Variants in SPATA13 observed in about 807,000 individuals in gnomAD.
SPATA13 encodes spermatogenesis associated 13.
SPATA13 carries 50 observed loss-of-function variants against 104.0 expected under a neutral mutation model. That is an observed-to-expected ratio of 0.48 (90% CI 0.38 to 0.61). The LOEUF is 0.61. SPATA13 is among the 20% of genes least tolerant of loss of function. SPATA13 has a pLI of 0.00. For synonymous variants in SPATA13, 606 were observed against 667.5 expected, an observed-to-expected ratio of 0.91 and a Z score of 1.42; for missense variants, 1,524 against 1,690.6, an observed-to-expected ratio of 0.90 and a Z score of 1.73.
Position 24,163,025 on chromosome 13 carries a change from A to C in SPATA13, c.-112+2093A>C, listed in dbSNP as rs147571805. Among the ~76,000 whole-genome samples the C allele has an allele frequency of 2.1e-3, 316 of 152,328 alleles. 2 individuals are homozygous for C. Among genetic ancestry groups the C allele is most frequent in the African/African-American group, 7.1e-3 (295 of 41,558 alleles). ...GCTGTCCCTCAGAAAGCCTGGGGCC[A>C]GTGCCTGGGCTGTCACCTCATCCAT... On this transcript the variant is annotated intron_variant, in intron 1 of 12. Coordinates refer to ENST00000382108, the MANE Select transcript of SPATA13 (RefSeq NM_001166271.3).
At chr13:24,200,776 T>G (rs1457157084) in intron 1 of SPATA13, among the ~76,000 whole-genome samples, 1 of 151,494 alleles carries the variant, frequency 6.6e-6, no homozygotes, top group Non-Finnish European at 1.5e-5. Context: ...GTTGGTCACC[T>G]CCGGGTCATA....
intron 1 of SPATA13, among the ~76,000 whole-genome samples, chr13:24,213,652 A>G (rs958432323): frequency 1.3e-5 from 2 of 152,190 alleles, no homozygotes; most frequent in Admixed American, 1.3e-4. Context: ...TAAGTCAAAG[A>G]TCCAGTTCAT....
intron 1 of SPATA13, among the ~76,000 whole-genome samples, chr13:24,182,060 A>G (rs1171058261): frequency 2.6e-5 from 4 of 152,232 alleles, no homozygotes; most frequent in African/African-American, 9.6e-5. Flanking sequence ...TGTTGGAATT[A>G]TTAAACTACT....
chr13:24,257,549 T>C (rs1873850520), intron 4 of SPATA13, among the ~76,000 whole-genome samples: 1 of 152,100 alleles, frequency 6.6e-6, no homozygotes, highest in Admixed American at 6.5e-5. Context: ...CAAGTTGACT[T>C]GCTTTAAAAA....
intron 3 of SPATA13, among the ~76,000 whole-genome samples, chr13:24,105,517 A>G (rs1448659820): frequency 6.6e-6 from 1 of 151,798 alleles, no homozygotes; most frequent in Non-Finnish European, 1.5e-5. Context: ...ACCAAGCACA[A>G]TGAGAGAGCC....
At chr13:23,990,666 ACTTC>A (rs1183710961) in intron 2 of SPATA13, among the ~76,000 whole-genome samples, 3 of 152,136 alleles carry the variant, frequency 2.0e-5, no homozygotes, top group African/African-American at 7.2e-5. Context: ...ATAATTGTCT[ACTTC>A]CTTGTATAAA....
chr13:24,066,919 C>T (rs1878986435), intron 3 of SPATA13, among the ~76,000 whole-genome samples: 1 of 152,176 alleles, frequency 6.6e-6, no homozygotes. Flanking sequence ...CAAACCAAAC[C>T]AAGCAGAGGC....
chr13:24,285,513 T>TC (rs1566193033), intron 5 of SPATA13, among the ~76,000 whole-genome samples: 216 of 150,616 alleles, frequency 1.4e-3, no homozygotes, highest in African/African-American at 5.1e-3. Flanking sequence ...CTGCCTGCCT[T>TC]CCTCCCTCCC....
chr13:24,080,935 C>A (rs1176542655), intron 3 of SPATA13, among the ~76,000 whole-genome samples: 1 of 152,180 alleles, frequency 6.6e-6, no homozygotes, highest in Non-Finnish European at 1.5e-5. Context: ...CTCCTGGAAA[C>A]ACACGTACCT....
chr13:24,084,045 T>G (rs1467049487), intron 3 of SPATA13, among the ~76,000 whole-genome samples: 1 of 152,174 alleles, frequency 6.6e-6, no homozygotes, highest in Non-Finnish European at 1.5e-5. Context: ...GTTTTCTGGA[T>G]TATAGTTTAA....
At chr13:24,250,275 A>G (rs918566925) in intron 3 of SPATA13, among the ~76,000 whole-genome samples, 9 of 152,154 alleles carry the variant, frequency 5.9e-5, no homozygotes, top group Non-Finnish European at 1.2e-4. Context: ...ATGAGAAAGT[A>G]TTTTGTTTTC....
intron 1 of SPATA13, among the ~76,000 whole-genome samples, chr13:24,201,014 T>C (rs560895084): frequency 7.6e-5 from 11 of 144,946 alleles, no homozygotes; most frequent in Non-Finnish European, 1.7e-4. Context: ...ATGTGAATTT[T>C]AAATTCAGCT....
chr13:24,069,640 C>T lies in SPATA13; in HGVS notation c.-112+51939C>T, dbSNP rs192844954. On this transcript the variant is annotated intron_variant, in intron 3 of 14. Transcript: ENST00000424834. ...TCTTGCCCGATTGCCCTGGCCAGGA[C>T]TTAACTTTGTTTTTATTTTTCTTAA... Among the ~76,000 whole-genome samples the T allele has an allele frequency of 2.0e-5, 3 of 152,268 alleles. No homozygotes were observed. In the East Asian group the frequency reaches 5.8e-4, roughly 29 times the overall value.
chr13:24,294,957 C>T (rs145623614), intron 10 of SPATA13, 89 bp downstream of exon 10: 30 of 1,359,084 alleles, frequency 2.2e-5, no homozygotes, highest in Non-Finnish European at 2.8e-5. Context: ...ATCCTGTGGT[C>T]AATATCTTAT....
Position 24,068,718 on chromosome 13 carries a change from A to G in SPATA13, c.-112+51017A>G, listed in dbSNP as rs550941674. On this transcript the variant is annotated intron_variant, in intron 3 of 14. Transcript: ENST00000424834. ...CTTAGTAATAGCCATTCTGACTGGCATGAGATGGTATCTCATGGTGGTTTT... is the reference window on the plus strand; with the variant it reads ...CTTAGTAATAGCCATTCTGACTGGCGTGAGATGGTATCTCATGGTGGTTTT... 1.3e-3 allele frequency among the ~76,000 whole-genome samples: 205 copies of G among 152,302 alleles called. 1 individual carries two copies. The highest frequency in any genetic ancestry group is 4.5e-3 in the African/African-American group (187 of 41,580).
intron 3 of SPATA13, among the ~76,000 whole-genome samples, chr13:24,081,508 C>T (rs1434512013): frequency 1.3e-5 from 2 of 151,262 alleles, no homozygotes; most frequent in Non-Finnish European, 2.9e-5. Context: ...CATTCTATTT[C>T]TTACTAAAAA....
At chr13:24,177,463 G>C (rs142274549) in intron 1 of SPATA13, among the ~76,000 whole-genome samples, 110 of 152,240 alleles carry the variant, frequency 7.2e-4, no homozygotes, top group African/African-American at 2.4e-3. Flanking sequence ...GGGGGCAAGG[G>C]TGTCTCTCTT....
chr13:24,002,198 A>G (rs1213985817), intron 2 of SPATA13, among the ~76,000 whole-genome samples: 1 of 152,074 alleles, frequency 6.6e-6, no homozygotes, highest in Non-Finnish European at 1.5e-5. Context: ...GTCTAAGATG[A>G]TGGTCATGTA....
chr13:23,992,553 A>G (rs1875463737), intron 2 of SPATA13, among the ~76,000 whole-genome samples: 1 of 152,188 alleles, frequency 6.6e-6, no homozygotes, highest in African/African-American at 2.4e-5. Context: ...TGTGATTTCC[A>G]GGACCATTAC....
Sources: allele counts gnomAD v4.1 joint callset (sites outside exome capture counted in the v4.1 genomes callset), GRCh38; gene constraint gnomAD v4.1.1; transcripts MANE v1.5; gene names NCBI Gene and HGNC (gene_info 2026-07-23, HGNC 2026-07-21).